DYNLT2: variants seen among roughly 807,000 people sequenced by gnomAD.
DYNLT2 encodes dynein light chain Tctex-type 2.
In DYNLT2, 24 loss-of-function variants were observed where a neutral mutation model predicts 24.3. The ratio of observed to expected loss-of-function variants is 0.99; its 90% CI spans 0.71 to 1.39. DYNLT2 has a LOEUF of 1.39. Among genes scored for constraint, DYNLT2 ranks in the 40% most tolerant of loss-of-function variants. DYNLT2 has a pLI of 0.00. For missense variants in DYNLT2, 246 were observed against 234.5 expected, an observed-to-expected ratio of 1.05 and a Z score of -0.32; for synonymous variants, 85 against 85.4, an observed-to-expected ratio of 1.00 and a Z score of 0.03.
intron 1 of DYNLT2, among the ~76,000 whole-genome samples, chr6:169,746,464 T>C (rs1212627111): frequency 1.3e-5 from 2 of 152,218 alleles, no homozygotes; most frequent in African/African-American, 4.8e-5. Context: ...AATTTGAGAT[T>C]TCTTCTTTTG....
the DYNLT2 span, among the ~76,000 whole-genome samples, chr6:169,727,395 G>A: frequency 1.3e-5 from 2 of 152,126 alleles, no homozygotes; most frequent in African/African-American, 4.8e-5. Context: ...CCATGATTGA[G>A]CAGAGAGAGG....
downstream of DYNLT2, among the ~76,000 whole-genome samples, chr6:169,739,827 T>G (rs1476193524): frequency 6.6e-6 from 1 of 152,210 alleles, no homozygotes; most frequent in Non-Finnish European, 1.5e-5. Flanking sequence ...AATTTGATAC[T>G]TTACAAGGTT....
At chr6:169,731,305 A>T in the DYNLT2 span, among the ~76,000 whole-genome samples, 1 of 152,168 alleles carries the variant, frequency 6.6e-6, no homozygotes, top group Non-Finnish European at 1.5e-5. Flanking sequence ...CTAGAACCTT[A>T]AGAGTAGGCA....
chr6:169,726,433 G>A, the DYNLT2 span, among the ~76,000 whole-genome samples: 1 of 152,194 alleles, frequency 6.6e-6, no homozygotes, highest in African/African-American at 2.4e-5. Flanking sequence ...AATGGAAGTA[G>A]AAATTGGGTT....
intron 1 of DYNLT2, chr6:169,750,728 T>G (rs1789984716): frequency 6.6e-6 from 1 of 152,256 alleles, no homozygotes; most frequent in East Asian, 1.9e-4. Context: ...ACATTAACGG[T>G]TTTCAAAGCC....
chr6:169,737,775 G>A (rs1364851053), downstream of DYNLT2, among the ~76,000 whole-genome samples: 1 of 152,064 alleles, frequency 6.6e-6, no homozygotes, highest in East Asian at 1.9e-4. Context: ...CCTGTTGGAG[G>A]GTCTCACCCA....
intron 3 of DYNLT2, 62 bp downstream of exon 3, chr6:169,743,018 T>A: frequency 2.1e-5 from 27 of 1,303,932 alleles, no homozygotes; most frequent in Non-Finnish European, 2.7e-5. Context: ...AAAAATCAAA[T>A]CACTAGGGAG....
At chr6:169,751,252 G>A in intron 1 of DYNLT2, 87 bp downstream of exon 1, 1 of 1,521,946 alleles carries the variant, frequency 6.6e-7, no homozygotes, top group Non-Finnish European at 8.8e-7. Flanking sequence ...TCTGGGGGTG[G>A]TGACGGGAGC....
intron 1 of DYNLT2, among the ~76,000 whole-genome samples, chr6:169,748,422 TCCTG>T (rs1789860514): frequency 6.6e-6 from 1 of 152,302 alleles, no homozygotes; most frequent in South Asian, 2.1e-4. Flanking sequence ...ATCACTCTCG[TCCTG>T]CCTGACACCT....
At chr6:169,751,118 C>T (rs1790024413) in intron 1 of DYNLT2, 1 of 599,166 alleles carries the variant, frequency 1.7e-6, no homozygotes, top group Non-Finnish European at 2.8e-6. Flanking sequence ...GTTCTATGGC[C>T]CTAATTAAAA....
At chr6:169,732,709 T>C in the DYNLT2 span, among the ~76,000 whole-genome samples, 1 of 152,202 alleles carries the variant, frequency 6.6e-6, no homozygotes, top group Non-Finnish European at 1.5e-5. Context: ...GTTAGTTCCA[T>C]GTCTTTGCTA....
the DYNLT2 span, among the ~76,000 whole-genome samples, chr6:169,732,317 C>G: frequency 6.6e-6 from 1 of 152,084 alleles, no homozygotes; most frequent in East Asian, 1.9e-4. Context: ...ATCAAAATAT[C>G]TTTTTATTTC....
chr6:169,732,450 C>T, the DYNLT2 span, among the ~76,000 whole-genome samples: 1 of 152,156 alleles, frequency 6.6e-6, no homozygotes, highest in Non-Finnish European at 1.5e-5. Flanking sequence ...CACTCTCACC[C>T]CCAACAGGCC....
At chr6:169,741,558 GTTTGTTA>G (rs1789680104) in intron 3 of DYNLT2, among the ~76,000 whole-genome samples, 2 of 152,124 alleles carry the variant, frequency 1.3e-5, no homozygotes, top group South Asian at 4.1e-4. Flanking sequence ...TTCTGGGGTG[GTTTGTTA>G]TACAATAATA....
At chr6:169,745,851 A>C (rs1789785227) in intron 1 of DYNLT2, among the ~76,000 whole-genome samples, 1 of 152,162 alleles carries the variant, frequency 6.6e-6, no homozygotes. Flanking sequence ...TAATTGATAT[A>C]ACTTTTTCCT....
At chr6:169,742,800 T>C (rs1789708310) in intron 3 of DYNLT2, among the ~76,000 whole-genome samples, 1 of 152,164 alleles carries the variant, frequency 6.6e-6, no homozygotes, top group South Asian at 2.1e-4. Flanking sequence ...GGTTTCACCA[T>C]GTTAGCCAGG....
chr6:169,746,769 G>A (rs1789810871), intron 1 of DYNLT2, among the ~76,000 whole-genome samples: 1 of 151,996 alleles, frequency 6.6e-6, no homozygotes, highest in Non-Finnish European at 1.5e-5. Context: ...TGCTGGTAAT[G>A]TATTAACGGA....
the DYNLT2 span, among the ~76,000 whole-genome samples, chr6:169,734,763 T>C: frequency 3.9e-5 from 6 of 152,192 alleles, no homozygotes; most frequent in Non-Finnish European, 8.8e-5. Context: ...TTTTGTTGTG[T>C]CTCTTCCAGG....
chr6:169,728,126 G>A, the DYNLT2 span, among the ~76,000 whole-genome samples: 1 of 152,154 alleles, frequency 6.6e-6, no homozygotes, highest in South Asian at 2.1e-4. Context: ...TGGACAAAGT[G>A]GATAATGGGG....
Sources: gnomAD v4.1 joint callset for allele counts (sites outside exome capture counted in the v4.1 genomes callset) on GRCh38, gnomAD v4.1.1 for gene constraint, MANE v1.5 for transcripts, NCBI Gene and HGNC (gene_info 2026-07-23, HGNC 2026-07-21) for gene names.